CCDC150: variants seen among roughly 807,000 people sequenced by gnomAD.
The protein encoded by CCDC150 is coiled-coil domain containing 150.
A neutral mutation model predicts 156.5 loss-of-function variants in CCDC150; 151 were observed. The ratio of observed to expected loss-of-function variants is 0.97; its 90% CI spans 0.85 to 1.10. The LOEUF (loss-of-function observed/expected upper bound fraction) is 1.10, where lower values mean the gene tolerates loss of function less well. Among genes scored for constraint, CCDC150 ranks in the 50% least tolerant of loss-of-function variants. CCDC150 has a pLI of 0.00. For missense variants in CCDC150, 1,312 were observed against 1,268.1 expected, an observed-to-expected ratio of 1.03 and a Z score of -0.53; for synonymous variants, 452 against 429.4, an observed-to-expected ratio of 1.05 and a Z score of -0.65.
chr2:196,647,483 A>G (rs1692616778), intron 2 of CCDC150, among the ~76,000 whole-genome samples: 1 of 152,156 alleles, frequency 6.6e-6, no homozygotes, highest in South Asian at 2.1e-4. Flanking sequence ...ATATTAAAAT[A>G]AACAACAATT....
intron 2 of CCDC150, among the ~76,000 whole-genome samples, chr2:196,656,079 A>G (rs1206031156): frequency 2.0e-5 from 3 of 152,146 alleles, no homozygotes; most frequent in African/African-American, 7.2e-5. Context: ...ATCCTGGGGT[A>G]TGAAGCCTCT....
chr2:196,719,449 G>A (rs901634346), intron 18 of CCDC150, 48 bp from the exon 19 acceptor site: 7 of 1,496,856 alleles, frequency 4.7e-6, no homozygotes, highest in Non-Finnish European at 6.3e-6. Context: ...AAGCAGAAGA[G>A]TAACCAGAAA....
At chr2:196,681,389 C>T (rs1395316244) in intron 13 of CCDC150, among the ~76,000 whole-genome samples, 1 of 152,142 alleles carries the variant, frequency 6.6e-6, no homozygotes, top group Non-Finnish European at 1.5e-5. Context: ...TGTCAAAGAA[C>T]ATTTACACTG....
intron 13 of CCDC150, among the ~76,000 whole-genome samples, chr2:196,681,789 C>T (rs992958280): frequency 1.3e-5 from 2 of 151,954 alleles, no homozygotes; most frequent in African/African-American, 4.8e-5. Context: ...TATTCAGATC[C>T]TTTGTCTATT....
intron 5 of CCDC150, among the ~76,000 whole-genome samples, chr2:196,659,666 T>C (rs556825294): frequency 1.5e-4 from 23 of 152,174 alleles, no homozygotes; most frequent in Non-Finnish European, 2.6e-4. Context: ...ATTTCTAAGA[T>C]ATTGTACTAG....
At chr2:196,679,470 A>G (rs1296501903) in intron 13 of CCDC150, among the ~76,000 whole-genome samples, 2 of 152,216 alleles carry the variant, frequency 1.3e-5, no homozygotes, top group Non-Finnish European at 2.9e-5. Context: ...TTTGAGATTC[A>G]TCCATGTTGT....
At chr2:196,730,608 T>C (rs1222371645) in intron 25 of CCDC150, among the ~76,000 whole-genome samples, 1 of 152,248 alleles carries the variant, frequency 6.6e-6, no homozygotes, top group Non-Finnish European at 1.5e-5. Context: ...TGAAAAGAGA[T>C]ATTAATCACT....
intron 19 of CCDC150, 107 bp downstream of exon 19, chr2:196,719,773 A>G: frequency 1.5e-6 from 1 of 669,084 alleles, no homozygotes; most frequent in Non-Finnish European, 2.2e-6. Flanking sequence ...TACAAAAAAA[A>G]AAATTGCAAA....
At chr2:196,675,922 CT>C (rs1694468029) in intron 10 of CCDC150, among the ~76,000 whole-genome samples, 1 of 152,094 alleles carries the variant, frequency 6.6e-6, no homozygotes, top group Non-Finnish European at 1.5e-5. Flanking sequence ...TGCATCTTGA[CT>C]ATTGGCTAGT....
chr2:196,731,235 T>C (rs992567979), intron 26 of CCDC150, among the ~76,000 whole-genome samples: 9 of 152,186 alleles, frequency 5.9e-5, no homozygotes, highest in African/African-American at 2.2e-4. Context: ...TGGATTTTAA[T>C]GCATTATTAT....
chr2:196,708,662 G>A (rs573991156), intron 15 of CCDC150, among the ~76,000 whole-genome samples: 92 of 152,268 alleles, frequency 6.0e-4, no homozygotes, highest in Non-Finnish European at 1.1e-3. Flanking sequence ...TCCTTTCCAT[G>A]TTTAGTGCTT....
chr2:196,642,627 A>G (rs1157021353), intron 1 of CCDC150, among the ~76,000 whole-genome samples: 2 of 152,124 alleles, frequency 1.3e-5, no homozygotes, highest in Non-Finnish European at 2.9e-5. Context: ...CCTTGCTTCC[A>G]AGGACTCTCC....
chr2:196,732,280 G>A, intron 27 of CCDC150, 128 bp downstream of exon 27: 1 of 1,219,474 alleles, frequency 8.2e-7, no homozygotes, highest in South Asian at 1.4e-5. Context: ...ACTAATGCTA[G>A]GAAACCAATT....
rs1429629017 is a variant in CCDC150 at position 196,676,652 on chromosome 2, C to G, written c.1361C>G (p.Ala454Gly). The part of the protein sequence containing the change: ...VQKELLESTI[A>G]RLRGELEASM... ...AAAGAGCTGCTAGAATCAACTATTG[C>G]AAGATTGCGAGGTGAATTGGAAGCA... The change falls in exon 12 of 28, where the codon GCA becomes GGA. Residue 454 changes from alanine (A) to glycine (G), a missense_variant. Coordinates refer to ENST00000389175, the MANE Select transcript of CCDC150 (RefSeq NM_001080539.2). 1.9e-6 allele frequency: 3 copies of G among 1,613,608 alleles called. No homozygotes were observed. The highest frequency in any genetic ancestry group is 2.5e-6 in the Non-Finnish European group (3 of 1,179,718).
At chr2:196,707,397 A>C (rs559895122) in intron 15 of CCDC150, among the ~76,000 whole-genome samples, 10 of 150,772 alleles carry the variant, frequency 6.6e-5, no homozygotes, top group Non-Finnish European at 1.3e-4. Flanking sequence ...ATTCTTCTCT[A>C]TTTTTTTCTT....
chr2:196,654,164 A>T (rs1047386247), intron 2 of CCDC150, among the ~76,000 whole-genome samples: 4 of 152,162 alleles, frequency 2.6e-5, no homozygotes, highest in Non-Finnish European at 4.4e-5. Context: ...ACATTTCAAC[A>T]TGAGACTTGG....
chr2:196,728,863 G>T (rs938471493), intron 22 of CCDC150, among the ~76,000 whole-genome samples: 4 of 152,240 alleles, frequency 2.6e-5, no homozygotes, highest in South Asian at 2.1e-4. Context: ...GAGGCTTAAG[G>T]TAGTTAATTG....
At chr2:196,724,345 G>T (rs1271211873) in intron 21 of CCDC150, among the ~76,000 whole-genome samples, 1 of 152,014 alleles carries the variant, frequency 6.6e-6, no homozygotes, top group African/African-American at 2.4e-5. Context: ...CAGAGGTAGA[G>T]ACTTGAGAGA....
At chr2:196,659,839 G>A (rs544539796) in intron 5 of CCDC150, among the ~76,000 whole-genome samples, 58 of 152,282 alleles carry the variant, frequency 3.8e-4, no homozygotes, top group African/African-American at 1.3e-3. Context: ...ATCATTTAGT[G>A]AAATATGTTA....
Sources: gnomAD v4.1 joint callset for allele counts (sites outside exome capture counted in the v4.1 genomes callset) on GRCh38, gnomAD v4.1.1 for gene constraint, MANE v1.5 for transcripts, NCBI Gene and HGNC (gene_info 2026-07-23, HGNC 2026-07-21) for gene names.